The following ABCC1 variants were observed in gnomAD, a reference collection of about 807,000 sequenced individuals.
ABCC1 encodes ATP binding cassette subfamily C member 1 (ABCC1 blood group), also known as multidrug resistance-associated protein 1.
A neutral mutation model predicts 172.9 loss-of-function variants in ABCC1; 83 were observed. The observed-to-expected ratio is 0.48, with a 90% CI of 0.40 to 0.58. The LOEUF (loss-of-function observed/expected upper bound fraction) is 0.58, where lower values mean the gene tolerates loss of function less well. Ranked by LOEUF, ABCC1 falls within the 20% of genes least tolerant of loss-of-function variation. ABCC1 has a pLI of 0.00. For missense variants in ABCC1, 1,817 were observed against 2,002.7 expected, an observed-to-expected ratio of 0.91 and a Z score of 1.77; for synonymous variants, 937 against 825.2, an observed-to-expected ratio of 1.14 and a Z score of -2.32.
At chr16:16,114,637 G>C in intron 22 of ABCC1, 129 bp from the exon 23 acceptor site, 1 of 920,562 alleles carries the variant, frequency 1.1e-6, no homozygotes, top group Non-Finnish European at 1.6e-6. Flanking sequence ...CACCATGCCT[G>C]GTTCATCATT....
intron 22 of ABCC1, 127 bp downstream of exon 22, chr16:16,111,709 T>A: frequency 1.2e-6 from 1 of 802,122 alleles, no homozygotes; most frequent in Non-Finnish European, 2.0e-6. Flanking sequence ...CCCAGAAAAA[T>A]GGTAGCTGTC....
intron 1 of ABCC1, among the ~76,000 whole-genome samples, chr16:15,984,497 C>A (rs1405777368): frequency 6.9e-6 from 1 of 144,466 alleles, no homozygotes; most frequent in African/African-American, 2.6e-5. Flanking sequence ...GGCTGGAGTG[C>A]AGTGGCGTGA....
intron 19 of ABCC1, among the ~76,000 whole-genome samples, chr16:16,101,747 T>C (rs1351250857): frequency 1.3e-5 from 2 of 152,156 alleles, no homozygotes; most frequent in Non-Finnish European, 2.9e-5. Flanking sequence ...GAAAGAGATA[T>C]GATCTGTGTT....
intron 17 of ABCC1, 129 bp downstream of exon 17, chr16:16,083,671 T>TGCTGCAC: frequency 8.5e-7 from 1 of 1,180,038 alleles, no homozygotes; most frequent in East Asian, 2.4e-5. Flanking sequence ...TGGGCGGCTC[T>TGCTGCAC]GCTGCACGCT....
chr16:16,009,293 CA>C (rs1488480201), intron 2 of ABCC1, among the ~76,000 whole-genome samples: 56 of 152,218 alleles, frequency 3.7e-4, no homozygotes, highest in African/African-American at 1.1e-3. Context: ...TTTGTTTTAT[CA>C]TGAGCTTTTG....
At chr16:16,069,143 A>T (rs2050226077) in intron 13 of ABCC1, among the ~76,000 whole-genome samples, 2 of 130,234 alleles carry the variant, frequency 1.5e-5, no homozygotes, top group Non-Finnish European at 3.1e-5. Flanking sequence ...CCCTGTATGT[A>T]AAAAAAAATA....
chr16:16,016,769 A>G (rs1248937823), intron 5 of ABCC1, 148 bp downstream of exon 5: 4 of 1,242,246 alleles, frequency 3.2e-6, no homozygotes, highest in Admixed American at 2.4e-5. Flanking sequence ...CACCTACTTT[A>G]CAGATGGAAA....
Position 16,068,152 on chromosome 16 carries a change from G to A in ABCC1, c.1678-4G>A, listed in dbSNP as rs1231141309. 6.2e-7 allele frequency: 1 copy of A among 1,614,014 alleles called. No homozygotes were observed. Among genetic ancestry groups the A allele is most frequent in the East Asian group, 2.2e-5 (1 of 44,868 alleles). On this transcript the variant is annotated splice_region_variant and splice_polypyrimidine_tract_variant and intron_variant, in intron 12 of 30. Coordinates refer to ENST00000399410, the MANE Select transcript of ABCC1 (RefSeq NM_004996.4). ...GCAGTCAGCACTGGGCGTTCTGCTT[G>A]CAGGTGGCCTTGTGCACATTTGCCG...
intron 1 of ABCC1, among the ~76,000 whole-genome samples, chr16:15,990,672 CAG>C (rs1024716233): frequency 3.1e-4 from 47 of 151,638 alleles, no homozygotes; most frequent in African/African-American, 1.1e-3. Flanking sequence ...TTTTTTTAGA[CAG>C]AGTCTTGCTC....
intron 24 of ABCC1, 111 bp from the exon 25 acceptor site, chr16:16,124,678 G>T (rs1193202167): frequency 2.7e-6 from 4 of 1,469,012 alleles, no homozygotes; most frequent in African/African-American, 2.8e-5. Context: ...TGGAATTACT[G>T]CGGAGTTACT....
intron 19 of ABCC1, among the ~76,000 whole-genome samples, chr16:16,091,298 C>T (rs916043426): frequency 8.6e-5 from 13 of 151,558 alleles, no homozygotes; most frequent in Middle Eastern, 3.2e-3. Flanking sequence ...GGCACAGTGG[C>T]TCACGCCTGT....
At chr16:16,105,886 T>TTG (rs1306739095) in intron 20 of ABCC1, among the ~76,000 whole-genome samples, 1 of 150,004 alleles carries the variant, frequency 6.7e-6, no homozygotes, top group African/African-American at 2.4e-5. Flanking sequence ...TGCTTTTTTT[T>TTG]TTTTTTTTGA....
chr16:16,071,642 G>GC lies in ABCC1; in HGVS notation c.1826dup (p.Ser610GlufsTer14). 6.2e-7 allele frequency: 1 copy of GC among 1,613,738 alleles called. No individual in the cohort carries two copies. The highest frequency in any genetic ancestry group is 8.5e-7 in the Non-Finnish European group (1 of 1,179,858). ...TCCCCTGCCATTGCTCTCTGTACAG[G>GC]CGAGTGTCTCCCTCAAACGCCTGAG... On this transcript the variant is annotated frameshift_variant and splice_region_variant, in exon 14 of 31. Transcript: ENST00000399410. LOFTEE classifies it high-confidence loss of function.
In ABCC1 at chr16:16,016,576, T is replaced by C; in HGVS notation, c.570T>C (p.Cys190=). ...SLLLIQLVLS[C]FSDRSPLFSE... ...TACTCATTCAGCTCGTCTTGTCCTG[T>C]TTCTCAGATCGCTCACCCCTGTTCT... Residue 190 remains cysteine (C), a synonymous_variant, in exon 5 of 31, where the codon TGT becomes TGC. Transcript: ENST00000399410. 1 of 1,614,216 alleles carries C rather than the reference T, an allele frequency of 6.2e-7. No individual in the cohort carries two copies. Among genetic ancestry groups the C allele is most frequent in the South Asian group, 1.1e-5 (1 of 91,084 alleles).
At chr16:15,953,898 C>G (rs564247840) in intron 1 of ABCC1, among the ~76,000 whole-genome samples, 1 of 152,120 alleles carries the variant, frequency 6.6e-6, no homozygotes, top group Non-Finnish European at 1.5e-5. Context: ...CCCCTTGGCT[C>G]AACAGCAGTG....
At chr16:16,067,238 C>T (rs986457271) in intron 12 of ABCC1, among the ~76,000 whole-genome samples, 20 of 152,054 alleles carry the variant, frequency 1.3e-4, no homozygotes, top group African/African-American at 4.1e-4. Context: ...GCGTCCCTGT[C>T]GTTTCGAGCA....
At chr16:15,993,543 A>G (rs999755605) in intron 1 of ABCC1, among the ~76,000 whole-genome samples, 1 of 152,072 alleles carries the variant, frequency 6.6e-6, no homozygotes, top group Non-Finnish European at 1.5e-5. Context: ...GAGTGCTACT[A>G]TCATCTAGTG....
rs1385171690 is a variant in ABCC1 at position 16,118,379 on chromosome 16, T to C, written c.3390+3303T>C. Among the ~76,000 whole-genome samples the C allele has an allele frequency of 7.3e-5, 11 of 149,674 alleles. 1 individual carries two copies. The highest frequency in any genetic ancestry group is 1.5e-5 in the Non-Finnish European group (1 of 67,602). ...CAGTGATGGAATCAGAGAGAGTAGG[T>C]CCAGTTCCTGGAGTCTCGTTATATC... On this transcript the variant is annotated intron_variant, in intron 23 of 30. Transcript: ENST00000399410.
chr16:16,021,597 A>G (rs984131545), intron 5 of ABCC1, among the ~76,000 whole-genome samples: 2 of 152,108 alleles, frequency 1.3e-5, no homozygotes, highest in African/African-American at 4.8e-5. Context: ...AGCACCTGTG[A>G]TCCCTGCTAT....
Sources: gnomAD v4.1 joint callset for allele counts (sites outside exome capture counted in the v4.1 genomes callset) on GRCh38, gnomAD v4.1.1 for gene constraint, MANE v1.5 for transcripts, NCBI Gene and HGNC (gene_info 2026-07-23, HGNC 2026-07-21) for gene names.